Variants in ST8SIA5 observed in about 807,000 individuals in gnomAD.
ST8SIA5 encodes the protein ST8 alpha-N-acetyl-neuraminide alpha-2,8-sialyltransferase 5, also known as alpha-2,8-sialyltransferase 8E.
In ST8SIA5, 24 loss-of-function variants were observed where a neutral mutation model predicts 40.2. The observed-to-expected ratio is 0.60, with a 90% CI of 0.43 to 0.84. The LOEUF is 0.84. Among genes scored for constraint, ST8SIA5 ranks in the 40% least tolerant of loss-of-function variants. The pLI is 0.00. For synonymous variants in ST8SIA5, 198 were observed against 201.8 expected, an observed-to-expected ratio of 0.98 and a Z score of 0.16; for missense variants, 465 against 498.5, an observed-to-expected ratio of 0.93 and a Z score of 0.64.
In ST8SIA5 at chr18:46,729,813, C is replaced by A. The variant is rs189359187; in HGVS notation, c.132-25149G>T. Among the ~76,000 whole-genome samples, 6 of 152,172 alleles carry A rather than the reference C, an allele frequency of 3.9e-5. No homozygotes were observed. In the East Asian group the frequency reaches 1.2e-3, roughly 30 times the overall value. ...TACTGCTGCTGCCCTCAAGAACTGA[C>A]AGTCCGGTTTTAACTGTTATTTGGG... On this transcript the variant is annotated intron_variant, in intron 1 of 6. Coordinates refer to ENST00000315087, the MANE Select transcript of ST8SIA5 (RefSeq NM_013305.6).
intron 5 of ST8SIA5, among the ~76,000 whole-genome samples, chr18:46,684,721 C>T (rs960617712): frequency 1.3e-5 from 2 of 152,224 alleles, no homozygotes; most frequent in South Asian, 2.1e-4. Context: ...GTGCCAATTA[C>T]ATCAGTTACT....
chr18:46,743,379 T>C (rs1010923981), intron 1 of ST8SIA5, among the ~76,000 whole-genome samples: 2 of 152,182 alleles, frequency 1.3e-5, no homozygotes, highest in African/African-American at 4.8e-5. Context: ...AATGACCTGA[T>C]GGAGCTGAAA....
chr18:46,702,748 T>A (rs1270978940), intron 2 of ST8SIA5, among the ~76,000 whole-genome samples: 1 of 152,242 alleles, frequency 6.6e-6, no homozygotes, highest in African/African-American at 2.4e-5. Flanking sequence ...CCCAGCTCCT[T>A]AGGGTAACTA....
chr18:46,672,662 G>A lies in ST8SIA5; in HGVS notation c.*7380C>T, dbSNP rs1024726106. On this transcript the variant is annotated 3_prime_UTR_variant, in exon 7 of 7. Coordinates refer to ENST00000315087, the MANE Select transcript of ST8SIA5 (RefSeq NM_013305.6). Reference sequence around the variant, plus strand: ...AGGTTCTCAGAAGAGACTGTGCAGGGGAAAATACCTAAAGACTTCTAAAAG... The same window carrying A: ...AGGTTCTCAGAAGAGACTGTGCAGGAGAAAATACCTAAAGACTTCTAAAAG... 10 of 152,014 alleles carry A rather than the reference G, an allele frequency of 6.6e-5. No individual in the cohort carries two copies. The highest frequency in any genetic ancestry group is 3.9e-4 in the Admixed American group (6 of 15,266). 9.4% of individuals were successfully genotyped at this position (152,014 alleles called of 1,614,324 possible).
At chr18:46,711,727 G>A (rs1482049434) in intron 1 of ST8SIA5, among the ~76,000 whole-genome samples, 1 of 152,202 alleles carries the variant, frequency 6.6e-6, no homozygotes, top group Non-Finnish European at 1.5e-5. Context: ...AGAGAGGCAA[G>A]AACAGCTCAG....
chr18:46,710,546 CTTT>C (rs371889933), intron 1 of ST8SIA5, among the ~76,000 whole-genome samples: 9 of 125,706 alleles, frequency 7.2e-5, no homozygotes, highest in Admixed American at 1.7e-4. Context: ...TTCTTTCTCT[CTTT>C]TTTTTTTTTT....
Position 46,673,845 on chromosome 18 carries a change from G to A in ST8SIA5, c.*6197C>T, listed in dbSNP as rs1019930627. 6.6e-6 allele frequency: 1 copy of A among 152,152 alleles called. No individual in the cohort carries two copies. The highest frequency in any genetic ancestry group is 1.5e-5 in the Non-Finnish European group (1 of 68,124). The allele number at this position is 152,152 out of a possible 1,614,324, so 9.4% of individuals were successfully genotyped here. A position where few individuals can be genotyped will look rare whatever the true frequency, so the allele number is the denominator to read the frequency against. ...ACTAGACCTCTAAACAATAGCACAA[G>A]GCACACCCTGGCCACTGGTGCACCC... is the stretch of plus-strand genomic sequence containing the variant. On this transcript the variant is annotated 3_prime_UTR_variant, in exon 7 of 7. Coordinates refer to ENST00000315087, the MANE Select transcript of ST8SIA5 (RefSeq NM_013305.6).
At chr18:46,756,321 AC>A in intron 1 of ST8SIA5, 56 bp downstream of exon 1, 1 of 1,596,294 alleles carries the variant, frequency 6.3e-7, no homozygotes, top group Non-Finnish European at 8.6e-7. Flanking sequence ...GGCCACTGCC[AC>A]CCGGGGGCTC....
At chr18:46,700,459 C>T (rs777692425) in intron 2 of ST8SIA5, among the ~76,000 whole-genome samples, 6 of 152,168 alleles carry the variant, frequency 3.9e-5, no homozygotes, top group Non-Finnish European at 8.8e-5. Context: ...CACAGTGAAG[C>T]CCCCGGGTCC....
At position 46,751,946 on chromosome 18, in the gene ST8SIA5, C is replaced by T. The variant is rs371210203; in HGVS notation, c.131+4432G>A. ...ACGCAGTTCTGGGTAGCTCCACGCA[C>T]GAGGATCCAGACCCACAGCTGTCAC... On this transcript the variant is annotated intron_variant, in intron 1 of 6. Transcript: ENST00000315087. Among the ~76,000 whole-genome samples the T allele has an allele frequency of 9.3e-4, 142 of 152,244 alleles. 1 individual carries two copies. The highest frequency in any genetic ancestry group is 3.3e-3 in the African/African-American group (138 of 41,544).
chr18:46,739,356 A>G (rs955076908), intron 1 of ST8SIA5, among the ~76,000 whole-genome samples: 6 of 152,168 alleles, frequency 3.9e-5, no homozygotes, highest in Admixed American at 2.0e-4. Flanking sequence ...AGCCTGGCCA[A>G]CATAGCGAAA....
At chr18:46,706,937 C>T (rs982906306) in intron 1 of ST8SIA5, among the ~76,000 whole-genome samples, 1 of 152,176 alleles carries the variant, frequency 6.6e-6, no homozygotes, top group African/African-American at 2.4e-5. Context: ...CTTGGAAGTT[C>T]AGCCATTTCT....
intron 1 of ST8SIA5, among the ~76,000 whole-genome samples, chr18:46,732,433 T>G (rs2039993931): frequency 6.6e-6 from 1 of 152,194 alleles, no homozygotes; most frequent in African/African-American, 2.4e-5. Context: ...CTTCCCATAT[T>G]GGGGTGCTGG....
rs2039343379 is a variant in ST8SIA5 at position 46,676,979 on chromosome 18, T to G, written c.*3063A>C. 1 of 152,182 alleles carries G rather than the reference T, an allele frequency of 6.6e-6. No homozygotes were observed. Among genetic ancestry groups the G allele is most frequent in the Non-Finnish European group, 1.5e-5 (1 of 68,036 alleles). 9.4% of individuals were successfully genotyped at this position (152,182 alleles called of 1,614,324 possible). On this transcript the variant is annotated 3_prime_UTR_variant, in exon 7 of 7. Coordinates refer to ENST00000315087, the MANE Select transcript of ST8SIA5 (RefSeq NM_013305.6). ...TGGCCATGTAGCCCTGGGCAAGTCA[T>G]TCGTGTTGTCACTTAACATGTGCTA...
chr18:46,707,293 T>TG (rs1464413408), intron 1 of ST8SIA5, among the ~76,000 whole-genome samples: 4 of 152,186 alleles, frequency 2.6e-5, no homozygotes, highest in Admixed American at 2.0e-4. Flanking sequence ...CTAGAGTTAT[T>TG]GGGGAATTGG....
intron 1 of ST8SIA5, among the ~76,000 whole-genome samples, chr18:46,741,397 T>A (rs1169513896): frequency 1.3e-5 from 2 of 152,158 alleles, no homozygotes; most frequent in Non-Finnish European, 2.9e-5. Flanking sequence ...ATTAGTAAAG[T>A]TTTCCCATAT....
chr18:46,735,699 A>G (rs2040027288), intron 1 of ST8SIA5, among the ~76,000 whole-genome samples: 1 of 152,042 alleles, frequency 6.6e-6, no homozygotes, highest in African/African-American at 2.4e-5. Flanking sequence ...TGCAGCATCA[A>G]CTTCCTGGGT....
chr18:46,701,870 G>A (rs1324076123), intron 2 of ST8SIA5, among the ~76,000 whole-genome samples: 1 of 152,160 alleles, frequency 6.6e-6, no homozygotes, highest in African/African-American at 2.4e-5. Context: ...TTAGTCAGCT[G>A]GGTGCGGTGG....
intron 5 of ST8SIA5, among the ~76,000 whole-genome samples, chr18:46,683,111 T>G (rs1375578232): frequency 2.0e-5 from 3 of 152,168 alleles, no homozygotes; most frequent in Non-Finnish European, 4.4e-5. Context: ...GGGGTACATC[T>G]ACATATGACA....
Sources: gnomAD v4.1 joint callset for allele counts (sites outside exome capture counted in the v4.1 genomes callset) on GRCh38, gnomAD v4.1.1 for gene constraint, MANE v1.5 for transcripts, NCBI Gene and HGNC (gene_info 2026-07-23, HGNC 2026-07-21) for gene names.